The following RARB variants were observed in gnomAD, a reference collection of about 807,000 sequenced individuals.
The protein encoded by RARB is HBV-activated protein.
A neutral mutation model predicts 51.9 loss-of-function variants in RARB; 17 were observed. That is an observed-to-expected ratio of 0.33 (90% CI 0.22 to 0.49). The LOEUF (loss-of-function observed/expected upper bound fraction) is 0.49, where lower values mean the gene tolerates loss of function less well. Ranked by LOEUF, RARB falls within the 20% of genes least tolerant of loss-of-function variation. The probability of loss-of-function intolerance (pLI) is 0.99; values close to 1 mark genes in which losing one functional copy is unlikely to be tolerated. For missense variants in RARB, 369 were observed against 550.8 expected (o/e 0.67, Z 3.30); for synonymous variants, 215 against 195.4 (o/e 1.10, Z -0.84).
intron 2 of RARB, chr3:25,024,857 G>A (rs1224810049): frequency 2.0e-5 from 3 of 151,238 alleles, no homozygotes; most frequent in African/African-American, 7.3e-5. Context: ...GGAGGCTGAG[G>A]CAGGAGGATC....
intron 5 of RARB, among the ~76,000 whole-genome samples, chr3:25,287,283 C>T (rs534785696): frequency 1.2e-4 from 19 of 152,258 alleles, no homozygotes; most frequent in Middle Eastern, 3.4e-3. Context: ...TCATTTCTGA[C>T]GTGGTTTTAT....
At chr3:25,035,849 A>G (rs1575129392) in intron 2 of RARB, among the ~76,000 whole-genome samples, 1 of 152,064 alleles carries the variant, frequency 6.6e-6, no homozygotes, top group Non-Finnish European at 1.5e-5. Flanking sequence ...TAGTTTGTGA[A>G]CCACTGGTCT....
intron 5 of RARB, among the ~76,000 whole-genome samples, chr3:25,291,563 C>T (rs1703788843): frequency 6.9e-6 from 1 of 145,424 alleles, no homozygotes; most frequent in East Asian, 2.0e-4. Context: ...CTAAGAAAAA[C>T]CTCTGAGATT....
chr3:25,069,236 G>C (rs1222494163), intron 3 of RARB, among the ~76,000 whole-genome samples: 3 of 151,356 alleles, frequency 2.0e-5, no homozygotes, highest in East Asian at 1.9e-4. Flanking sequence ...ATAAATACTT[G>C]TCTGCTTTAT....
At chr3:24,873,225 A>G (rs896303339) in intron 2 of RARB, among the ~76,000 whole-genome samples, 3 of 152,210 alleles carry the variant, frequency 2.0e-5, no homozygotes, top group Non-Finnish European at 4.4e-5. Flanking sequence ...TATGTCAATG[A>G]ATAGCTTATA....
At chr3:25,001,458 C>T (rs1697156348) in intron 2 of RARB, among the ~76,000 whole-genome samples, 3 of 152,090 alleles carry the variant, frequency 2.0e-5, no homozygotes, top group Admixed American at 2.0e-4. Context: ...TTATCCTTCT[C>T]AATTGTCTTC....
intron 1 of RARB, among the ~76,000 whole-genome samples, chr3:25,457,364 A>G (rs886314648): frequency 3.9e-5 from 6 of 152,246 alleles, no homozygotes; most frequent in African/African-American, 1.4e-4. Context: ...ATGATTGAAC[A>G]CATGAACAGT....
intron 2 of RARB, among the ~76,000 whole-genome samples, chr3:24,883,356 T>TTGTGTGTGTGTGTG (rs3057218): frequency 0.012 from 1,712 of 143,742 alleles, 18 homozygotes; most frequent in Middle Eastern, 0.022. Context: ...TCAACAATCA[T>TTGTGTGTGTGTGTG]TGTGTGTGTG....
At chr3:25,064,628 T>C (rs62228538) in intron 3 of RARB, among the ~76,000 whole-genome samples, 11,361 of 152,000 alleles carry the variant, frequency 0.075, 475 homozygotes, top group Middle Eastern at 0.11. Context: ...TTAGGGAAAA[T>C]AGGAAGAGAG....
In RARB at chr3:25,450,556, C is replaced by T. The variant is rs183547546; in HGVS notation, c.158-10637C>T. Among the ~76,000 whole-genome samples the T allele has an allele frequency of 5.0e-3, 757 of 152,236 alleles. 3 individuals are homozygous for T. The highest frequency in any genetic ancestry group is 7.6e-3 in the Non-Finnish European group (518 of 68,014). ...TCCCCACTCTTTGGTCCCAGAGTCT[C>T]CCCACCAGTAGTATCCTCAGCCTAG... On this transcript the variant is annotated intron_variant, in intron 1 of 7. Transcript: ENST00000330688.
intron 5 of RARB, among the ~76,000 whole-genome samples, chr3:25,321,770 T>G (rs764395893): frequency 9.2e-5 from 14 of 151,664 alleles, no homozygotes; most frequent in Non-Finnish European, 2.1e-4. Context: ...CTTGAATCAA[T>G]GCAAAGAGAC....
intron 5 of RARB, among the ~76,000 whole-genome samples, chr3:25,583,049 TG>T (rs1192241522): frequency 6.6e-6 from 1 of 152,084 alleles, no homozygotes; most frequent in Non-Finnish European, 1.5e-5. Flanking sequence ...TCCTGGGCCA[TG>T]GGGGTGAGGA....
At chr3:25,015,229 A>G (rs1415329855) in intron 2 of RARB, among the ~76,000 whole-genome samples, 1 of 152,182 alleles carries the variant, frequency 6.6e-6, no homozygotes. Context: ...CATATTATAT[A>G]AGATCAAAAA....
At chr3:25,325,726 C>T (rs868710164) in intron 5 of RARB, among the ~76,000 whole-genome samples, 2 of 149,240 alleles carry the variant, frequency 1.3e-5, no homozygotes, top group African/African-American at 5.0e-5. Flanking sequence ...GTTCTTCTCC[C>T]TTTTTTCCTG....
At chr3:25,298,323 C>T (rs1175894882) in intron 5 of RARB, among the ~76,000 whole-genome samples, 1 of 152,012 alleles carries the variant, frequency 6.6e-6, no homozygotes, top group East Asian at 1.9e-4. Flanking sequence ...GCTGGGGTTA[C>T]AGCCACGTGC....
At chr3:24,971,252 T>C (rs868007936) in intron 2 of RARB, among the ~76,000 whole-genome samples, 28 of 152,160 alleles carry the variant, frequency 1.8e-4, no homozygotes, top group African/African-American at 6.5e-4. Flanking sequence ...ATTATTCTTA[T>C]TCAAAAGATG....
chr3:25,078,348 A>ACTAT (rs1185748644), intron 3 of RARB, among the ~76,000 whole-genome samples: 1 of 152,104 alleles, frequency 6.6e-6, no homozygotes, highest in African/African-American at 2.4e-5. Context: ...TTTTTGCAAT[A>ACTAT]CTATCTGATG....
At chr3:24,908,863 T>G (rs555454122) in intron 2 of RARB, among the ~76,000 whole-genome samples, 1 of 152,144 alleles carries the variant, frequency 6.6e-6, no homozygotes, top group African/African-American at 2.4e-5. Flanking sequence ...TTCCCCAGTT[T>G]CCATGCCTTG....
chr3:25,203,008 T>C (rs1226744222), intron 5 of RARB, among the ~76,000 whole-genome samples: 1 of 152,216 alleles, frequency 6.6e-6, no homozygotes, highest in East Asian at 1.9e-4. Context: ...TTCTGTCTCA[T>C]TGATCTGTCT....
Sources: gnomAD v4.1 joint callset for allele counts (sites outside exome capture counted in the v4.1 genomes callset) on GRCh38, gnomAD v4.1.1 for gene constraint, MANE v1.5 for transcripts, NCBI Gene and HGNC (gene_info 2026-07-23, HGNC 2026-07-21) for gene names.